The following ZNF561 variants were observed in gnomAD, a reference collection of about 807,000 sequenced individuals.
ZNF561 encodes zinc finger protein 561.
Under a neutral mutation model 16.7 loss-of-function variants are expected in ZNF561, and 16 were observed. The ratio of observed to expected loss-of-function variants is 0.96; its 90% CI spans 0.65 to 1.45. ZNF561 has a LOEUF of 1.45. ZNF561 is among the 40% of genes most tolerant of loss of function. The probability of loss-of-function intolerance (pLI) is 0.00; values close to 1 mark genes in which losing one functional copy is unlikely to be tolerated. For missense variants in ZNF561, 580 were observed against 578.0 expected, an observed-to-expected ratio of 1.00 and a Z score of -0.04; for synonymous variants, 190 against 192.1, an observed-to-expected ratio of 0.99 and a Z score of 0.09.
At chr19:9,613,769 G>A (rs566961315) in intron 5 of ZNF561, among the ~76,000 whole-genome samples, 13 of 152,126 alleles carry the variant, frequency 8.5e-5, no homozygotes, top group Admixed American at 7.9e-4. Context: ...CACCCATCTC[G>A]GCCTCCCAAA....
In ZNF561 at chr19:9,610,110, C is replaced by A; in HGVS notation, c.*90G>T. The A allele has an allele frequency of 8.4e-7, 1 of 1,184,454 alleles. No homozygotes were observed. The highest frequency in any genetic ancestry group is 1.2e-6 in the Non-Finnish European group (1 of 858,960). The allele number at this position is 1,184,454 out of a possible 1,614,324, so 73.4% of individuals were successfully genotyped here. On this transcript the variant is annotated 3_prime_UTR_variant, in exon 6 of 6. Transcript: ENST00000302851. ...CTCAGGATGGTATCTAAGGCCAATC[C>A]ATGAGTCATTACAACCTCCAAAAGG... is the stretch of plus-strand genomic sequence containing the variant.
In ZNF561 at chr19:9,607,654, G is replaced by C. The variant is rs1325928167; in HGVS notation, c.*2546C>G. 1 of 152,158 alleles carries C rather than the reference G, an allele frequency of 6.6e-6. No individual in the cohort carries two copies. The highest frequency in any genetic ancestry group is 1.5e-5 in the Non-Finnish European group (1 of 68,032). 9.4% of individuals were successfully genotyped at this position (152,158 alleles called of 1,614,324 possible). On this transcript the variant is annotated 3_prime_UTR_variant, in exon 6 of 6. Transcript: ENST00000302851. ...TATTACTGCTATTCATTGGTGGTGT[G>C]CTGGAGGTTGAAATTAGTCCAGTAA...
rs760478679 is a variant in ZNF561, at chr19:9,611,002, G to C, written c.659C>G (p.Thr220Ser). The C allele has an allele frequency of 1.9e-6, 3 of 1,614,126 alleles. No individual in the cohort carries two copies. The highest frequency in any genetic ancestry group is 2.2e-5 in the East Asian group (1 of 44,868). ...ASLDNHMGIH[T>S]DEKLCEFQEY... ...CTGAAATTCACAGAGTTTCTCATCA[G>C]TGTGGATTCCCATATGATTATCAAG... Residue 220 changes from threonine (T) to serine (S), a missense_variant, in exon 6 of 6, where the codon ACT becomes AGT. Physicochemically the swap from Thr to Ser is moderately conservative, Grantham distance 58. Transcript: ENST00000302851.
Position 9,617,130 on chromosome 19 carries a change from T to C in ZNF561, c.156A>G (p.Pro52=). 6.2e-7 allele frequency: 1 copy of C among 1,613,686 alleles called. No homozygotes were observed. Among genetic ancestry groups the C allele is most frequent in the Non-Finnish European group, 8.5e-7 (1 of 1,179,700 alleles). Residue 52 remains proline, a synonymous_variant, in exon 4 of 6, where the codon CCA becomes CCG. Transcript: ENST00000302851. The part of the protein sequence containing the change: ...TFDDVAVDFT[P]EEWALLDTTE... ...TTGTGTCCAGTAAAGCCCACTCCTC[T>C]GGGGTGAAGTCCACAGCCACATCAT...
At chr19:9,614,982 G>C (rs1197000756) in intron 4 of ZNF561, among the ~76,000 whole-genome samples, 7 of 151,838 alleles carry the variant, frequency 4.6e-5, no homozygotes, top group Non-Finnish European at 7.4e-5. Flanking sequence ...GGGACTAAAG[G>C]CGTGTGCCAC....
Position 9,614,034 on chromosome 19 carries a change from C to T in ZNF561, c.311G>A (p.Ser104Asn), listed in dbSNP as rs965239781. Residue 104 changes from serine (S) to asparagine (N), a missense_variant, in exon 5 of 6, where the codon AGT becomes AAT. Transcript: ENST00000302851. Reference protein sequence around the residue: ...QQGFLKNQIFSGIQMTRGYSG... With the variant: ...QQGFLKNQIFNGIQMTRGYSG... Reference sequence around the variant, plus strand: ...CATGAATCTTACCATTTGTATCCCACTGAATATTTGATTCTTCAAAAAACC... The same window carrying T: ...CATGAATCTTACCATTTGTATCCCATTGAATATTTGATTCTTCAAAAAACC... 1 of 1,613,766 alleles carries T rather than the reference C, an allele frequency of 6.2e-7. No homozygotes were observed. The highest frequency in any genetic ancestry group is 8.5e-7 in the Non-Finnish European group (1 of 1,179,898).
Position 9,610,197 on chromosome 19 carries a change from G to C in ZNF561, c.*3C>G, listed in dbSNP as rs368173637. ...CCAATAATTAAAGATGGCAACCGAT[G>C]GGCTAAATGGTAACACTCATATCCT... On this transcript the variant is annotated 3_prime_UTR_variant, in exon 6 of 6. Transcript: ENST00000302851. 2 of 1,557,170 alleles carry C rather than the reference G, an allele frequency of 1.3e-6. No individual in the cohort carries two copies. The highest frequency in any genetic ancestry group is 1.2e-5 in the South Asian group (1 of 83,818).
Position 9,610,479 on chromosome 19 carries a change from T to A in ZNF561, c.1182A>T (p.Glu394Asp). 6.2e-7 allele frequency: 1 copy of A among 1,613,194 alleles called. No homozygotes were observed. The highest frequency in any genetic ancestry group is 8.5e-7 in the Non-Finnish European group (1 of 1,179,276). ...TGAAGGTCTTCCCACATTCAACACA[T>A]TCATAAGGCTTCTCTCCTGTGTGAA... ...TRIHTGEKPY[E>D]CVECGKTFIT... The change falls in exon 6 of 6, where the codon GAA becomes GAT. Residue 394 changes from glutamate to aspartate, a missense_variant. Transcript: ENST00000302851.
chr19:9,616,368 G>A (rs1330097818), intron 4 of ZNF561, among the ~76,000 whole-genome samples: 1 of 152,000 alleles, frequency 6.6e-6, no homozygotes, highest in Non-Finnish European at 1.5e-5. Flanking sequence ...TGCAACTTCT[G>A]CCTCCTTGTT....
rs768828573 is a variant in ZNF561 at position 9,613,974 on chromosome 19, A to G, written c.324+47T>C. 8 of 1,602,208 alleles carry G rather than the reference A, an allele frequency of 5.0e-6. No homozygotes were observed. The Admixed American group carries it at 8.4e-5, about 17-fold the overall frequency. On this transcript the variant is annotated intron_variant, in intron 5 of 5. Coordinates refer to ENST00000302851, the MANE Select transcript of ZNF561 (RefSeq NM_152289.3). ...CTGATTTTCTAGAATGGAATTCTCTATCTTTTCTAAGAGAGGAAATTAAGA... is the reference window on the plus strand; with the variant it reads ...CTGATTTTCTAGAATGGAATTCTCTGTCTTTTCTAAGAGAGGAAATTAAGA...
rs374069483 is a variant in ZNF561 at position 9,616,514 on chromosome 19, C to T, written c.241+531G>A. On this transcript the variant is annotated intron_variant, in intron 4 of 5. Coordinates refer to ENST00000302851, the MANE Select transcript of ZNF561 (RefSeq NM_152289.3). ...CAGGCTGGTCTCAAATTCCTGACCG[C>T]ATGTGATCTGCCCGCCTCGGCCTCC... is the stretch of plus-strand genomic sequence containing the variant. Among the ~76,000 whole-genome samples, 21 of 152,068 alleles carry T rather than the reference C, an allele frequency of 1.4e-4. No individual in the cohort carries two copies. The East Asian group carries it at 1.9e-3, about 14-fold the overall frequency.
chr19:9,618,812 G>A (rs991553450), intron 2 of ZNF561, among the ~76,000 whole-genome samples: 1 of 151,628 alleles, frequency 6.6e-6, no homozygotes, highest in Non-Finnish European at 1.5e-5. Flanking sequence ...ACAAACCAGG[G>A]CTGAATTCTA....
At chr19:9,613,498 G>A in intron 5 of ZNF561, among the ~76,000 whole-genome samples, 1 of 151,600 alleles carries the variant, frequency 6.6e-6, no homozygotes, top group Non-Finnish European at 1.5e-5. Context: ...GCCTCCCAAA[G>A]GGATGGGATT....
Position 9,617,141 on chromosome 19 carries a change from C to A in ZNF561, c.145G>T (p.Asp49Tyr). The A allele has an allele frequency of 1.2e-6, 2 of 1,613,326 alleles. No homozygotes were observed. The highest frequency in any genetic ancestry group is 1.7e-6 in the Non-Finnish European group (2 of 1,179,502). ...AAAGCCCACTCCTCTGGGGTGAAGT[C>A]CACAGCCACATCATCAAACGTCACT... is the stretch of plus-strand genomic sequence containing the variant. ...DSVTFDDVAV[D>Y]FTPEEWALLD... is the part of the protein sequence containing the mutation. Residue 49 changes from aspartate (D) to tyrosine (Y), a missense_variant, in exon 4 of 6, where the codon GAC (aspartate) becomes TAC (tyrosine). Asp to Tyr is a radical substitution (Grantham distance 160). Transcript: ENST00000302851.
intron 5 of ZNF561, among the ~76,000 whole-genome samples, chr19:9,611,612 A>G (rs746736491): frequency 6.6e-6 from 1 of 151,862 alleles, no homozygotes; most frequent in Non-Finnish European, 1.5e-5. Flanking sequence ...GCACCTGGCT[A>G]ATTTTTCTGT....
Position 9,610,026 on chromosome 19 carries a change from T to C in ZNF561, c.*174A>G. 1.7e-6 allele frequency: 1 copy of C among 600,712 alleles called. No individual in the cohort carries two copies. Among genetic ancestry groups the C allele is most frequent in the Non-Finnish European group, 2.8e-6 (1 of 351,086 alleles). 37.2% of individuals were successfully genotyped at this position (600,712 alleles called of 1,614,324 possible). The stretch of plus-strand genomic sequence containing the variant: ...ACCATCCATGACCCTTCTTCACAGA[T>C]GCCCAGACTCAGGCAACCATGATGT... On this transcript the variant is annotated 3_prime_UTR_variant, in exon 6 of 6. Transcript: ENST00000302851.
At position 9,617,176 on chromosome 19, in the gene ZNF561, G is replaced by C. The variant is rs1426353963; in HGVS notation, c.115-5C>G. 2 of 1,611,416 alleles carry C rather than the reference G, an allele frequency of 1.2e-6. No homozygotes were observed. The highest frequency in any genetic ancestry group is 1.7e-6 in the Non-Finnish European group (2 of 1,178,438). On this transcript the variant is annotated splice_region_variant and splice_polypyrimidine_tract_variant and intron_variant, in intron 3 of 5. Coordinates refer to ENST00000302851, the MANE Select transcript of ZNF561 (RefSeq NM_152289.3). ...ATCATCAAACGTCACTGAATCCTATGTCATCATACACATGCTGGTTTGAGC... is the reference window on the plus strand; with the variant it reads ...ATCATCAAACGTCACTGAATCCTATCTCATCATACACATGCTGGTTTGAGC...
Position 9,610,915 on chromosome 19 carries a change from C to T in ZNF561, c.746G>A (p.Gly249Glu). Residue 249 changes from glycine to glutamate, a missense_variant, in exon 6 of 6, where the codon GGA becomes GAA. Physicochemically the swap from Gly to Glu is moderately conservative, Grantham distance 98. Coordinates refer to ENST00000302851, the MANE Select transcript of ZNF561 (RefSeq NM_152289.3). Reference protein sequence around the residue: ...HLKQCVAVHTGKKSKKTKKCG... With the variant: ...HLKQCVAVHTEKKSKKTKKCG... ...TTTCTTAGTCTTTTTGGATTTCTTT[C>T]CTGTATGAACTGCTACACACTGCTT... The T allele has an allele frequency of 6.2e-7, 1 of 1,614,144 alleles. No homozygotes were observed. The highest frequency in any genetic ancestry group is 8.5e-7 in the Non-Finnish European group (1 of 1,180,026).
In ZNF561 at chr19:9,610,542, G is replaced by A. The variant is rs138137635; in HGVS notation, c.1119C>T (p.Ala373=). The change falls in exon 6 of 6, where the codon GCC becomes GCT. Residue 373 remains alanine (A), a synonymous_variant. Coordinates refer to ENST00000302851, the MANE Select transcript of ZNF561 (RefSeq NM_152289.3). ...KPYQCKECGK[A]FTTSTSLIQH... ...GAATAAGACTTGTGGATGTAGTGAA[G>A]GCTTTCCCACATTCCTTACACTGAT... 1.1e-3 allele frequency: 1,782 copies of A among 1,613,896 alleles called. 1 individual carries two copies. Among genetic ancestry groups the A allele is most frequent in the Middle Eastern group, 6.6e-3 (40 of 6,060 alleles).
Sources: gnomAD v4.1 joint callset for allele counts (sites outside exome capture counted in the v4.1 genomes callset) on GRCh38, gnomAD v4.1.1 for gene constraint, MANE v1.5 for transcripts, NCBI Gene and HGNC (gene_info 2026-07-23, HGNC 2026-07-21) for gene names.